WDR19: variants seen among roughly 807,000 people sequenced by gnomAD.
WDR19 encodes the protein WD repeat-containing protein 19.
In WDR19, 121 loss-of-function variants were observed where a neutral mutation model predicts 180.0. The ratio of observed to expected loss-of-function variants is 0.67; its 90% confidence interval spans 0.58 to 0.78. The LOEUF is 0.78. Ranked by LOEUF, WDR19 falls within the 30% of genes least tolerant of loss-of-function variation. The pLI, the probability that WDR19 is intolerant of heterozygous loss-of-function variation, is 0.00. For missense variants in WDR19, 1,450 were observed against 1,640.7 expected (o/e 0.88, Z 2.01); for synonymous variants, 497 against 540.7 (o/e 0.92, Z 1.12).
intron 28 of WDR19, among the ~76,000 whole-genome samples, chr4:39,259,994 T>G (rs1442978351): frequency 6.6e-6 from 1 of 152,218 alleles, no homozygotes; most frequent in African/African-American, 2.4e-5. Flanking sequence ...GTATTACATT[T>G]AGTTTATATG....
intron 17 of WDR19, among the ~76,000 whole-genome samples, chr4:39,230,280 G>A (rs567154196): frequency 6.6e-6 from 1 of 152,214 alleles, no homozygotes; most frequent in Non-Finnish European, 1.5e-5. Flanking sequence ...CCCTTTCCCT[G>A]CTCTGAATGT....
At chr4:39,214,027 A>G (rs1473068486) in intron 9 of WDR19, among the ~76,000 whole-genome samples, 1 of 152,242 alleles carries the variant, frequency 6.6e-6, no homozygotes, top group African/African-American at 2.4e-5. Flanking sequence ...TACAACTATT[A>G]GTTCCCAACA....
Position 39,246,816 on chromosome 4 carries a change from G to A in WDR19, c.2729+1364G>A, listed in dbSNP as rs188097510. On this transcript the variant is annotated intron_variant, in intron 24 of 36. Coordinates refer to ENST00000399820, the MANE Select transcript of WDR19 (RefSeq NM_025132.4). ...CAGAAAGGCTGGTGGACGGGCGCCC[G>A]CCATTGCTGAGGCTTGAGTAGGTAA... Among the ~76,000 whole-genome samples the A allele has an allele frequency of 4.6e-5, 7 of 152,344 alleles. No individual in the cohort carries two copies. In the East Asian group the frequency reaches 5.8e-4, roughly 13 times the overall value.
At chr4:39,275,079 C>T (rs565169470) in intron 33 of WDR19, 121 bp downstream of exon 33, 2 of 1,231,328 alleles carry the variant, frequency 1.6e-6, no homozygotes, top group South Asian at 1.3e-5. Flanking sequence ...GTGGCTCACA[C>T]CTATAATCCC....
rs1737143017 is a variant in WDR19, at chr4:39,285,767, A to ACTT, written c.*295_*297dup. On this transcript the variant is annotated 3_prime_UTR_variant, in exon 37 of 37. Transcript: ENST00000399820. ...ATTGTAAATATTCAGCTTTTTGCTA[A>ACTT]CTTTTGTATTTTGAAAAACTTTAAA... is the stretch of plus-strand genomic sequence containing the variant. 2 of 152,376 alleles carry ACTT rather than the reference A, an allele frequency of 1.3e-5. No homozygotes were observed. The highest frequency in any genetic ancestry group is 4.1e-4 in the South Asian group (2 of 4,830). The allele number at this position is 152,376 out of a possible 1,614,324, so 9.4% of individuals were successfully genotyped here.
chr4:39,268,207 C>A, intron 30 of WDR19, 116 bp downstream of exon 30: 1 of 787,604 alleles, frequency 1.3e-6, no homozygotes, highest in Non-Finnish European at 1.9e-6. Flanking sequence ...TTGCTTTGAA[C>A]CCAAAAGACT....
rs1239942540 is a variant in WDR19 at position 39,253,283 on chromosome 4, T to C, written c.2867T>C (p.Met956Thr). Residue 956 changes from methionine (M) to threonine (T), a missense_variant, in exon 25 of 37, where the codon ATG (methionine) becomes ACG (threonine). Transcript: ENST00000399820. ...ACCCAGTCTCTGGATGGAGCCAAAA[T>C]GGTAGCCAGGTAACATAATACATTA... ...RETQSLDGAK[M>T]VARFFLQLGD... 1.2e-6 allele frequency: 2 copies of C among 1,611,896 alleles called. No homozygotes were observed.
chr4:39,215,953 C>T lies in WDR19; in HGVS notation c.1074C>T (p.Ser358=), dbSNP rs772391690. The T allele has an allele frequency of 6.2e-7, 1 of 1,613,366 alleles. No homozygotes were observed. The highest frequency in any genetic ancestry group is 1.1e-5 in the South Asian group (1 of 90,936). ...TTCCCATACTTGGGGATGCCTGCAG[C>T]ACAAGGATTGCCTATCTCACCTCCC... ...TKLPILGDAC[S]TRIAYLTSLL... is the part of the protein sequence containing the mutation. The change falls in exon 11 of 37, where the codon AGC becomes AGT. Residue 358 remains serine (S), a synonymous_variant. Transcript: ENST00000399820.
intron 24 of WDR19, among the ~76,000 whole-genome samples, chr4:39,250,120 A>C (rs1249783081): frequency 6.6e-6 from 1 of 152,094 alleles, no homozygotes; most frequent in Non-Finnish European, 1.5e-5. Context: ...AACCGAATCC[A>C]GCAACACATC....
At chr4:39,269,874 C>T in intron 30 of WDR19, 102 bp from the exon 31 acceptor site, 1 of 1,416,934 alleles carries the variant, frequency 7.1e-7, no homozygotes, top group South Asian at 1.3e-5. Context: ...TAAGAGATTA[C>T]TAATAACAAG....
At chr4:39,226,383 AC>A (rs966297890) in intron 15 of WDR19, among the ~76,000 whole-genome samples, 3 of 152,196 alleles carry the variant, frequency 2.0e-5, no homozygotes, top group African/African-American at 7.2e-5. Context: ...TCTAGTACCT[AC>A]TTTGTAGGGT....
chr4:39,247,154 A>G (rs1464464033), intron 24 of WDR19, among the ~76,000 whole-genome samples: 1 of 152,140 alleles, frequency 6.6e-6, no homozygotes, highest in Non-Finnish European at 1.5e-5. Context: ...CTCTGAGACA[A>G]AACTTCCAGA....
chr4:39,243,288 A>G (rs894674515), intron 21 of WDR19, among the ~76,000 whole-genome samples: 2 of 152,210 alleles, frequency 1.3e-5, no homozygotes, highest in Admixed American at 1.3e-4. Flanking sequence ...CACTCCATGT[A>G]TGATAGTGTC....
Position 39,187,038 on chromosome 4 carries a change from A to G in WDR19, c.164+434A>G, listed in dbSNP as rs1725632112. ...ATCCATTTTCAGGAAATCATTCTAC[A>G]TTATACTAAGCATAATTGAAGCATT... On this transcript the variant is annotated intron_variant, in intron 3 of 36. Coordinates refer to ENST00000399820, the MANE Select transcript of WDR19 (RefSeq NM_025132.4). 3.3e-5 allele frequency among the ~76,000 whole-genome samples: 5 copies of G among 152,184 alleles called. No individual in the cohort carries two copies. In the South Asian group the frequency reaches 8.3e-4, roughly 25 times the overall value.
At chr4:39,230,467 T>C (rs1309490820) in intron 17 of WDR19, among the ~76,000 whole-genome samples, 1 of 152,132 alleles carries the variant, frequency 6.6e-6, no homozygotes, top group East Asian at 1.9e-4. Context: ...CTTACCTCTG[T>C]GTGCCTTGGG....
rs574724880 is a variant in WDR19, at chr4:39,256,255, T to A, written c.3114+295T>A. Among the ~76,000 whole-genome samples, 38 of 152,342 alleles carry A rather than the reference T, an allele frequency of 2.5e-4. No homozygotes were observed. In the South Asian group the frequency reaches 7.9e-3, roughly 32 times the overall value. ...AGTTTCTTATTTTTCCTGTTTTTAG[T>A]TTGTCCGCCTTTAGAGTTTGTCATC... On this transcript the variant is annotated intron_variant, in intron 27 of 36. Transcript: ENST00000399820.
At chr4:39,224,801 A>G (rs1730071963) in intron 14 of WDR19, 83 bp from the exon 15 acceptor site, 2 of 1,204,828 alleles carry the variant, frequency 1.7e-6, no homozygotes, top group Admixed American at 3.0e-5. Context: ...AAATTAGAAC[A>G]TATGTTTAAT....
rs750083502 is a variant in WDR19 at position 39,244,243 on chromosome 4, T to C, written c.2422-5T>C. On this transcript the variant is annotated splice_polypyrimidine_tract_variant and splice_region_variant and intron_variant, in intron 21 of 36. Transcript: ENST00000399820. ...GATTTGTTAGTGTTTGCCTTGTGATTGCAGGAACATGATGAAGCTTGTCTG... is the reference window on the plus strand; with the variant it reads ...GATTTGTTAGTGTTTGCCTTGTGATCGCAGGAACATGATGAAGCTTGTCTG... 1 of 1,608,366 alleles carries C rather than the reference T, an allele frequency of 6.2e-7. No individual in the cohort carries two copies. The highest frequency in any genetic ancestry group is 2.2e-5 in the East Asian group (1 of 44,720).
chr4:39,223,495 A>G (rs987239950), intron 14 of WDR19, among the ~76,000 whole-genome samples: 1 of 149,404 alleles, frequency 6.7e-6, no homozygotes, highest in African/African-American at 2.4e-5. Flanking sequence ...CACGCCCAGC[A>G]AATTTTTGTA....
Sources: allele counts gnomAD v4.1 joint callset (sites outside exome capture counted in the v4.1 genomes callset), GRCh38; gene constraint gnomAD v4.1.1; transcripts MANE v1.5; gene names NCBI Gene and HGNC (gene_info 2026-07-23, HGNC 2026-07-21).